Variants in FXYD3 observed in about 807,000 individuals in gnomAD.
The protein encoded by FXYD3 is FXYD domain-containing ion transport regulator 3.
A neutral mutation model predicts 19.2 loss-of-function variants in FXYD3; 13 were observed. The observed-to-expected ratio is 0.68, with a 90% CI of 0.44 to 1.08. The LOEUF (loss-of-function observed/expected upper bound fraction) is 1.08, where lower values mean the gene tolerates loss of function less well. FXYD3 is among the 50% of genes least tolerant of loss of function. The pLI is 0.00. For missense variants in FXYD3, 101 were observed against 109.4 expected (o/e 0.92, Z 0.34); for synonymous variants, 48 against 38.9 (o/e 1.23, Z -0.87).
intron 2 of FXYD3, chr19:35,119,121 G>A (rs2064972491): frequency 4.4e-6 from 6 of 1,378,712 alleles, no homozygotes; most frequent in Non-Finnish European, 5.1e-6. Flanking sequence ...TTCCCAGAAA[G>A]CCTGAAGTCC....
intron 8 of FXYD3, 21 bp downstream of exon 8, chr19:35,123,329 G>C: frequency 6.2e-7 from 1 of 1,611,566 alleles, no homozygotes; most frequent in South Asian, 1.1e-5. Context: ...GCAGCATGGG[G>C]CTCAGGGGAA....
At chr19:35,117,029 A>G in intron 2 of FXYD3, 1 of 985,340 alleles carries the variant, frequency 1.0e-6, no homozygotes, top group Non-Finnish European at 1.2e-6. Flanking sequence ...GGTGGGGGAA[A>G]CAGTCCTCAG....
chr19:35,123,082 G>T, intron 7 of FXYD3, 128 bp downstream of exon 7: 1 of 1,458,874 alleles, frequency 6.9e-7, no homozygotes, highest in Non-Finnish European at 9.0e-7. Flanking sequence ...AAGATTTCCA[G>T]GTTTATTGTT....
chr19:35,122,696 T>C, intron 5 of FXYD3, 69 bp from the exon 6 acceptor site: 4 of 1,278,888 alleles, frequency 3.1e-6, no homozygotes, highest in South Asian at 1.2e-5. Context: ...TATATATTTG[T>C]CAAGAGAATG....
At chr19:35,120,627 G>A (rs1443195606) in intron 3 of FXYD3, among the ~76,000 whole-genome samples, 4 of 152,238 alleles carry the variant, frequency 2.6e-5, no homozygotes, top group Admixed American at 2.6e-4. Flanking sequence ...ATAATAGTGA[G>A]TCATTTTCAA....
At chr19:35,116,733 G>A (rs2064893995) in intron 2 of FXYD3, 1 of 868,142 alleles carries the variant, frequency 1.2e-6, no homozygotes, top group Non-Finnish European at 1.3e-6. Context: ...TAGATGGACT[G>A]GGGACATCTG....
chr19:35,117,035 C>T, intron 2 of FXYD3: 3 of 985,320 alleles, frequency 3.0e-6, no homozygotes, highest in Non-Finnish European at 3.6e-6. Flanking sequence ...GGAAACAGTC[C>T]TCAGGCCGGC....
intron 3 of FXYD3, 132 bp downstream of exon 3, chr19:35,119,548 T>C: frequency 1.3e-6 from 1 of 790,036 alleles, no homozygotes; most frequent in Non-Finnish European, 2.1e-6. Flanking sequence ...TCCCTGAGGG[T>C]AAGAAAAGTC....
chr19:35,116,185 G>C (rs558238014), intron 1 of FXYD3, 79 bp from the exon 2 acceptor site: 260 of 983,636 alleles, frequency 2.6e-4, no homozygotes, highest in Non-Finnish European at 3.1e-4. Context: ...TGGCTGGGGA[G>C]GGGGTGAAGC....
At chr19:35,118,793 C>T (rs568941159) in intron 2 of FXYD3, among the ~76,000 whole-genome samples, 43 of 152,288 alleles carry the variant, frequency 2.8e-4, no homozygotes, top group African/African-American at 1.0e-3. Context: ...CACCCCACCC[C>T]CAAGCAGCTT....
intron 2 of FXYD3, chr19:35,118,614 T>G: frequency 1.0e-6 from 1 of 996,118 alleles, no homozygotes; most frequent in Non-Finnish European, 1.2e-6. Flanking sequence ...GGTCAGGGGC[T>G]GGGCTGGGGA....
chr19:35,123,478 T>C lies in FXYD3; in HGVS notation c.*21T>C, dbSNP rs374615281. 7 of 1,613,774 alleles carry C rather than the reference T, an allele frequency of 4.3e-6. No individual in the cohort carries two copies. The African/African-American group carries it at 8.0e-5, about 18-fold the overall frequency. On this transcript the variant is annotated 3_prime_UTR_variant, in exon 9 of 9. Transcript: ENST00000604404. ...GCTGATGAGGACAGACCAGCTGAAA[T>C]TGGGTGGAGGACCGTTCTCTGTCCC...
intron 2 of FXYD3, chr19:35,118,626 C>A: frequency 4.1e-6 from 4 of 979,470 alleles, no homozygotes; most frequent in Non-Finnish European, 3.7e-6. Flanking sequence ...GGCTGGGGAC[C>A]CCGGCTAGGC....
intron 7 of FXYD3, 44 bp downstream of exon 7, chr19:35,122,998 C>T (rs755530715): frequency 2.6e-6 from 4 of 1,539,372 alleles, no homozygotes; most frequent in Non-Finnish European, 3.5e-6. Flanking sequence ...TGACTGGACG[C>T]TTTTCAGGGT....
At chr19:35,121,041 A>G (rs1265236532) in intron 3 of FXYD3, 37 bp from the exon 4 acceptor site, 2 of 1,611,148 alleles carry the variant, frequency 1.2e-6, no homozygotes, top group Non-Finnish European at 1.7e-6. Flanking sequence ...TGAGGCCGGC[A>G]TCACCATCTC....
At chr19:35,118,275 GA>G (rs1328471517) in intron 2 of FXYD3, 1 of 162,480 alleles carries the variant, frequency 6.2e-6, no homozygotes, top group African/African-American at 2.4e-5. Context: ...AGAATCACTT[GA>G]ACCCAGGAGG....
intron 2 of FXYD3, chr19:35,117,188 C>T (rs1006162): frequency 0.55 from 766,110 of 1,401,382 alleles, 214,661 homozygotes; most frequent in Non-Finnish European, 0.57. Flanking sequence ...GAATGGGGAA[C>T]GTGAGGGCAG....
intron 2 of FXYD3, chr19:35,117,498 T>G (rs1253458861): frequency 1.1e-6 from 1 of 948,516 alleles, no homozygotes; most frequent in Non-Finnish European, 1.5e-6. Flanking sequence ...CTGCAGAGAT[T>G]GAGCGAGTAA....
chr19:35,117,680 A>G (rs1451397378), intron 2 of FXYD3, among the ~76,000 whole-genome samples: 1 of 128,806 alleles, frequency 7.8e-6, no homozygotes, highest in African/African-American at 3.0e-5. Context: ...AGCTCCCCCA[A>G]CCCCCAACAC....
Sources: gnomAD v4.1 joint callset for allele counts (sites outside exome capture counted in the v4.1 genomes callset) on GRCh38, gnomAD v4.1.1 for gene constraint, MANE v1.5 for transcripts, NCBI Gene and HGNC (gene_info 2026-07-23, HGNC 2026-07-21) for gene names.